The following ZBTB7C variants were observed in gnomAD, a reference collection of about 807,000 sequenced individuals.
ZBTB7C encodes zinc finger and BTB domain-containing protein 7C.
In ZBTB7C, 8 loss-of-function variants were observed where a neutral mutation model predicts 25.7. The ratio of observed to expected loss-of-function variants is 0.31; its 90% CI spans 0.18 to 0.56. ZBTB7C has a LOEUF of 0.56. ZBTB7C is among the 20% of genes least tolerant of loss of function. The pLI, the probability that ZBTB7C is intolerant of heterozygous loss-of-function variation, is 0.91. For synonymous variants in ZBTB7C, 394 were observed against 369.0 expected (o/e 1.07, Z -0.78); for missense variants, 824 against 855.2 (o/e 0.96, Z 0.46).
Position 48,398,990 on chromosome 18 carries a change from A to T in ZBTB7C, c.-304+10236T>A, listed in dbSNP as rs1459721791. ...CAAGGATCCCTTTCATACAAAAATC[A>T]CTGGGTATTGTATCAGCAAAAGACT... On this transcript the variant is annotated intron_variant, in intron 1 of 4. Transcript: ENST00000590800. Among the ~76,000 whole-genome samples the T allele has an allele frequency of 3.3e-5, 5 of 152,356 alleles. No homozygotes were observed. In the East Asian group the frequency reaches 7.7e-4, roughly 23 times the overall value.
intron 3 of ZBTB7C, among the ~76,000 whole-genome samples, chr18:48,143,029 A>G (rs868106011): frequency 1.4e-4 from 22 of 152,126 alleles, no homozygotes; most frequent in Middle Eastern, 3.4e-3. Flanking sequence ...AAGATAATAA[A>G]CAGATAAACA....
intron 2 of ZBTB7C, among the ~76,000 whole-genome samples, chr18:48,186,237 C>A (rs2042051106): frequency 6.6e-6 from 1 of 152,220 alleles, no homozygotes; most frequent in Admixed American, 6.5e-5. Context: ...CGGCGCTGTG[C>A]CAGTCTCAGA....
Position 48,083,851 on chromosome 18 carries a change from T to C in ZBTB7C, c.-16-42728A>G. ...TTAGCAACCCATATTAGGAACTTAC[T>C]TTCCCCTCCTATCTTGTCCCTGAAG... On this transcript the variant is annotated intron_variant, in intron 3 of 4. Coordinates refer to ENST00000590800, the MANE Select transcript of ZBTB7C (RefSeq NM_001318841.2). 4.1e-6 allele frequency: 4 copies of C among 985,432 alleles called. No individual in the cohort carries two copies. The South Asian group carries it at 1.9e-4, about 46-fold the overall frequency. 61.0% of individuals were successfully genotyped at this position (985,432 alleles called of 1,614,324 possible). A position where few individuals can be genotyped will look rare whatever the true frequency, so the allele number is the denominator to read the frequency against.
chr18:48,386,390 G>C (rs1374005110), intron 1 of ZBTB7C, among the ~76,000 whole-genome samples: 1 of 152,132 alleles, frequency 6.6e-6, no homozygotes, highest in African/African-American at 2.4e-5. Context: ...CGGATGCTAA[G>C]CCTATTGCTT....
At chr18:48,174,445 T>C (rs1366198764) in intron 3 of ZBTB7C, among the ~76,000 whole-genome samples, 1 of 152,274 alleles carries the variant, frequency 6.6e-6, no homozygotes, top group Non-Finnish European at 1.5e-5. Flanking sequence ...CAATAACGTC[T>C]GTTGGCAAGG....
intron 3 of ZBTB7C, chr18:48,162,380 A>G (rs2041090058): frequency 2.2e-6 from 1 of 456,532 alleles, no homozygotes; most frequent in Non-Finnish European, 4.4e-6. Flanking sequence ...TGACTTCTCT[A>G]TGCCTCAGTT....
chr18:48,206,238 C>A (rs1599100684), intron 2 of ZBTB7C, among the ~76,000 whole-genome samples: 1 of 152,074 alleles, frequency 6.6e-6, no homozygotes, highest in African/African-American at 2.4e-5. Flanking sequence ...TGTATAGGTT[C>A]AAGTATACAC....
At chr18:48,390,427 T>A (rs1716513011) in intron 1 of ZBTB7C, among the ~76,000 whole-genome samples, 1 of 152,164 alleles carries the variant, frequency 6.6e-6, no homozygotes, top group South Asian at 2.1e-4. Flanking sequence ...AACACACACA[T>A]ATAACAAAAG....
At position 48,155,421 on chromosome 18, in the gene ZBTB7C, G is replaced by A. The variant is rs1208095371; in HGVS notation, c.-17+30513C>T. ...TGGCTCACTGCAAGCTCCGCCCCCC[G>A]GGTTCACGCCATTCTCCTGCCTCAG... On this transcript the variant is annotated intron_variant, in intron 3 of 4. Coordinates refer to ENST00000590800, the MANE Select transcript of ZBTB7C (RefSeq NM_001318841.2). Among the ~76,000 whole-genome samples the A allele has an allele frequency of 3.5e-5, 5 of 140,880 alleles. No homozygotes were observed. In the East Asian group the frequency reaches 6.7e-4, roughly 19 times the overall value. 92.4% of individuals were successfully genotyped at this position (140,880 alleles called of 152,430 possible). A position where few individuals can be genotyped will look rare whatever the true frequency, so the allele number is the denominator to read the frequency against.
At chr18:48,289,076 G>A (rs536210857) in intron 2 of ZBTB7C, among the ~76,000 whole-genome samples, 11 of 152,264 alleles carry the variant, frequency 7.2e-5, no homozygotes, top group African/African-American at 1.2e-4. Flanking sequence ...TGCACAACGC[G>A]AAACCACTTC....
chr18:48,185,362 C>T (rs576852574), intron 3 of ZBTB7C: 1 of 445,258 alleles, frequency 2.2e-6, no homozygotes, highest in Non-Finnish European at 4.5e-6. Context: ...CAGGTGTCTT[C>T]TCTTCCTGAA....
At chr18:48,384,365 G>C (rs1469823399) in intron 1 of ZBTB7C, among the ~76,000 whole-genome samples, 1 of 152,222 alleles carries the variant, frequency 6.6e-6, no homozygotes, top group Non-Finnish European at 1.5e-5. Context: ...ACCACACTGG[G>C]AACTGAGGGA....
intron 3 of ZBTB7C, among the ~76,000 whole-genome samples, chr18:48,103,134 AT>A (rs2038906555): frequency 6.8e-6 from 1 of 147,348 alleles, no homozygotes; most frequent in Admixed American, 6.9e-5. Flanking sequence ...CTATCTATCT[AT>A]CTATCTATCT....
At position 48,389,236 on chromosome 18, in the gene ZBTB7C, C is replaced by CGTGTGTGTGTGT. The variant is rs71165323; in HGVS notation, c.-304+19978_-304+19989dup. Among the ~76,000 whole-genome samples the CGTGTGTGTGTGT allele has an allele frequency of 4.2e-4, 26 of 62,368 alleles. 1 individual carries two copies. Among genetic ancestry groups the CGTGTGTGTGTGT allele is most frequent in the African/African-American group, 1.7e-3 (25 of 14,330 alleles). The allele number at this position is 62,368 out of a possible 152,430, so 40.9% of individuals were successfully genotyped here. A position where few individuals can be genotyped will look rare whatever the true frequency, so the allele number is the denominator to read the frequency against. ...TCTCTCTCTCTCTCTCTCTCTCTCT[C>CGTGTGTGTGTGT]GTGTGTGTGTGTGTGTGTGTGTGTG... On this transcript the variant is annotated intron_variant, in intron 1 of 4. Transcript: ENST00000590800.
chr18:48,386,968 T>C (rs557203258), intron 1 of ZBTB7C, among the ~76,000 whole-genome samples: 4 of 152,312 alleles, frequency 2.6e-5, no homozygotes, highest in African/African-American at 9.6e-5. Flanking sequence ...CACGGTGCTA[T>C]AGGAGTAATT....
intron 2 of ZBTB7C, among the ~76,000 whole-genome samples, chr18:48,216,489 A>C (rs2042826303): frequency 6.6e-6 from 1 of 152,136 alleles, no homozygotes; most frequent in African/African-American, 2.4e-5. Flanking sequence ...GAGGGAAGAG[A>C]GATCTACATG....
intron 3 of ZBTB7C, among the ~76,000 whole-genome samples, chr18:48,081,723 ACTC>A: frequency 6.6e-6 from 1 of 151,894 alleles, no homozygotes; most frequent in Middle Eastern, 3.4e-3. Context: ...AATGTTTTGA[ACTC>A]CTACCATGTG....
intron 2 of ZBTB7C, among the ~76,000 whole-genome samples, chr18:48,227,019 C>CAAAAAAAAAAAAAAAAAAATAAA (rs1187830776): frequency 1.8e-5 from 1 of 56,122 alleles, no homozygotes. Context: ...GACTCCATCT[C>CAAAAAAAAAAAAAAAAAAATAAA]AAAAAAAAAA....
At chr18:48,158,372 C>T (rs1447754680) in intron 3 of ZBTB7C, among the ~76,000 whole-genome samples, 1 of 152,188 alleles carries the variant, frequency 6.6e-6, no homozygotes, top group African/African-American at 2.4e-5. Flanking sequence ...CCCAAAGCCA[C>T]CGACACACAC....
Sources: allele counts gnomAD v4.1 joint callset (sites outside exome capture counted in the v4.1 genomes callset), GRCh38; gene constraint gnomAD v4.1.1; transcripts MANE v1.5; gene names NCBI Gene and HGNC (gene_info 2026-07-23, HGNC 2026-07-21).